SINHCAF: variants seen among roughly 807,000 people sequenced by gnomAD.
SINHCAF encodes the protein SIN3-HDAC complex-associated factor.
A neutral mutation model predicts 25.8 loss-of-function variants in SINHCAF; 3 were observed. The observed-to-expected ratio is 0.12, with a 90% confidence interval of 0.05 to 0.30. The LOEUF (loss-of-function observed/expected upper bound fraction) is 0.30, where lower values mean the gene tolerates loss of function less well. Among genes scored for constraint, SINHCAF ranks in the 10% least tolerant of loss-of-function variants. The pLI, the probability that SINHCAF is intolerant of heterozygous loss-of-function variation, is 1.00. For missense variants in SINHCAF, 121 were observed against 262.3 expected (o/e 0.46, Z 3.72); for synonymous variants, 70 against 85.5 (o/e 0.82, Z 1.00).
At chr12:31,283,205 C>G (rs1241862413) in intron 5 of SINHCAF, among the ~76,000 whole-genome samples, 1 of 151,858 alleles carries the variant, frequency 6.6e-6, no homozygotes, top group Non-Finnish European at 1.5e-5. Context: ...CCACCATAAA[C>G]AGGCTGATGC....
At chr12:31,311,206 C>T (rs770495087) in intron 1 of SINHCAF, among the ~76,000 whole-genome samples, 14 of 152,136 alleles carry the variant, frequency 9.2e-5, no homozygotes, top group Admixed American at 2.0e-4. Flanking sequence ...CATACCCACG[C>T]GTCTTTGAGC....
At chr12:31,323,385 C>G (rs895762418) in intron 1 of SINHCAF, among the ~76,000 whole-genome samples, 33 of 152,196 alleles carry the variant, frequency 2.2e-4, no homozygotes, top group African/African-American at 7.2e-4. Context: ...TCAGCGTACT[C>G]TGAATAACAA....
At chr12:31,302,745 G>A (rs539185040) in intron 1 of SINHCAF, among the ~76,000 whole-genome samples, 31 of 151,920 alleles carry the variant, frequency 2.0e-4, no homozygotes, top group Non-Finnish European at 3.2e-4. Flanking sequence ...GTATGTGGCT[G>A]AGCGGGTAGG....
intron 1 of SINHCAF, 134 bp from the exon 2 acceptor site, chr12:31,298,358 AGACCTCCTGGATC>A: frequency 1.1e-6 from 1 of 934,160 alleles, no homozygotes; most frequent in Non-Finnish European, 1.7e-6. Flanking sequence ...GCTCAAGGGA[AGACCTCCTGGATC>A]GACCTCCATT....
chr12:31,289,828 C>A (rs980109580), intron 4 of SINHCAF, among the ~76,000 whole-genome samples: 5 of 145,006 alleles, frequency 3.4e-5, no homozygotes, highest in Admixed American at 6.9e-5. Context: ...TTATTTTTAT[C>A]TTTTGGTTTT....
At position 31,281,615 on chromosome 12, in the gene SINHCAF, G is replaced by A. The variant is rs977420714; in HGVS notation, c.*1097C>T. 50 of 152,166 alleles carry A rather than the reference G, an allele frequency of 3.3e-4. No homozygotes were observed. The highest frequency in any genetic ancestry group is 9.9e-4 in the African/African-American group (41 of 41,436). 9.4% of individuals were successfully genotyped at this position (152,166 alleles called of 1,614,324 possible). Reference sequence around the variant, plus strand: ...TGTGCCCCAAGAAGCATTAACCTTTGTTTTGTGCCATCCTGAAGACTTGCA... The same window carrying A: ...TGTGCCCCAAGAAGCATTAACCTTTATTTTGTGCCATCCTGAAGACTTGCA... On this transcript the variant is annotated 3_prime_UTR_variant, in exon 6 of 6. Coordinates refer to ENST00000337682, the MANE Select transcript of SINHCAF (RefSeq NM_001135812.2).
intron 4 of SINHCAF, among the ~76,000 whole-genome samples, chr12:31,288,707 G>A (rs1938180999): frequency 6.6e-6 from 1 of 152,050 alleles, no homozygotes; most frequent in African/African-American, 2.4e-5. Flanking sequence ...AAAATAGAAG[G>A]GTTAAATAAG....
intron 1 of SINHCAF, among the ~76,000 whole-genome samples, chr12:31,313,697 G>A (rs1352536373): frequency 1.3e-5 from 2 of 152,120 alleles, no homozygotes; most frequent in African/African-American, 2.4e-5. Flanking sequence ...TGCCCAGGCT[G>A]GAGTGCAATG....
intron 1 of SINHCAF, among the ~76,000 whole-genome samples, chr12:31,310,964 G>A (rs1939243411): frequency 6.6e-6 from 1 of 151,460 alleles, no homozygotes; most frequent in Non-Finnish European, 1.5e-5. Flanking sequence ...CCGCCTCTGA[G>A]GTTCAAGCAA....
At chr12:31,289,006 T>A (rs1476096445) in intron 4 of SINHCAF, among the ~76,000 whole-genome samples, 2 of 151,414 alleles carry the variant, frequency 1.3e-5, no homozygotes, top group Non-Finnish European at 1.5e-5. Context: ...AATTTGTAAC[T>A]GAAAAAAATA....
At chr12:31,288,143 A>C (rs1436010898) in intron 4 of SINHCAF, among the ~76,000 whole-genome samples, 1 of 152,110 alleles carries the variant, frequency 6.6e-6, no homozygotes. Context: ...TTTGCCTCAT[A>C]ATCCCCAGCT....
At chr12:31,322,358 G>C (rs1206943112) in intron 1 of SINHCAF, among the ~76,000 whole-genome samples, 1 of 152,180 alleles carries the variant, frequency 6.6e-6, no homozygotes, top group Admixed American at 6.5e-5. Flanking sequence ...CAATCTCAGC[G>C]TATTTGCAAA....
chr12:31,314,458 G>A (rs552986485), intron 1 of SINHCAF, among the ~76,000 whole-genome samples: 114 of 152,068 alleles, frequency 7.5e-4, no homozygotes, highest in Non-Finnish European at 1.4e-3. Context: ...CCCGGGAGGC[G>A]GAGTTTGCAG....
At position 31,325,077 on chromosome 12, in the gene SINHCAF, G is replaced by A. The variant is rs74575755; in HGVS notation, c.-21+947C>T. On this transcript the variant is annotated intron_variant, in intron 1 of 5. Coordinates refer to ENST00000337682, the MANE Select transcript of SINHCAF (RefSeq NM_001135812.2). The surrounding 1 kb of genome is among the most constrained non-coding windows in gnomAD (Gnocchi z 5.9). ...TAGAGCACAAAAAGCAGTGCCCTGCGGAGTTCACTGACTCCCGCGGCGTAC... is the reference window on the plus strand; with the variant it reads ...TAGAGCACAAAAAGCAGTGCCCTGCAGAGTTCACTGACTCCCGCGGCGTAC... 840 of 456,794 alleles carry A rather than the reference G, an allele frequency of 1.8e-3. 7 individuals are homozygous for A. Among genetic ancestry groups the A allele is most frequent in the African/African-American group, 0.016 (780 of 50,220 alleles). The allele number at this position is 456,794 out of a possible 1,614,324, so 28.3% of individuals were successfully genotyped here. A position where few individuals can be genotyped will look rare whatever the true frequency, so the allele number is the denominator to read the frequency against.
intron 4 of SINHCAF, among the ~76,000 whole-genome samples, chr12:31,288,278 G>T (rs1379905025): frequency 1.3e-5 from 2 of 152,094 alleles, no homozygotes; most frequent in Non-Finnish European, 2.9e-5. Context: ...CTAGGAAAAG[G>T]GCAGCCTAGC....
At chr12:31,312,067 C>A in intron 1 of SINHCAF, 1 of 518,822 alleles carries the variant, frequency 1.9e-6, no homozygotes, top group South Asian at 1.5e-5. Context: ...CTACAGGTGT[C>A]ATCCCAGTCA....
intron 1 of SINHCAF, among the ~76,000 whole-genome samples, chr12:31,313,616 G>T (rs1258712): frequency 0.94 from 143,909 of 152,332 alleles, 68,053 homozygotes; most frequent in African/African-American, 0.99. Context: ...GTAATATCTG[G>T]GTGTATATGT....
At chr12:31,285,105 C>T (rs1482658593) in intron 5 of SINHCAF, among the ~76,000 whole-genome samples, 7 of 152,102 alleles carry the variant, frequency 4.6e-5, no homozygotes, top group Admixed American at 6.6e-5. Context: ...TGTTATTCAA[C>T]GGCCGGGCGC....
intron 2 of SINHCAF, among the ~76,000 whole-genome samples, chr12:31,296,337 T>C (rs930107062): frequency 2.6e-5 from 4 of 151,962 alleles, no homozygotes; most frequent in African/African-American, 9.7e-5. Flanking sequence ...GGCTAATTTT[T>C]GTATTTTTTG....
Sources: allele counts gnomAD v4.1 joint callset (sites outside exome capture counted in the v4.1 genomes callset), GRCh38; gene constraint gnomAD v4.1.1; non-coding constraint Gnocchi (gnomAD v3.1); transcripts MANE v1.5; gene names NCBI Gene and HGNC (gene_info 2026-07-23, HGNC 2026-07-21).